The following NCK1 variants were observed in gnomAD, a reference collection of about 807,000 sequenced individuals.
NCK1 encodes SH2/SH3 adapter protein NCK1.
A neutral mutation model predicts 36.6 loss-of-function variants in NCK1; 19 were observed. The ratio of observed to expected loss-of-function variants is 0.52; its 90% CI spans 0.36 to 0.76. NCK1 has a LOEUF of 0.76. Ranked by LOEUF, NCK1 falls within the 30% of genes least tolerant of loss-of-function variation. NCK1 has a pLI of 0.00. For missense variants in NCK1, 358 were observed against 445.6 expected (o/e 0.80, Z 1.77); for synonymous variants, 165 against 156.0 (o/e 1.06, Z -0.43).
intron 1 of NCK1, among the ~76,000 whole-genome samples, chr3:136,904,440 A>ACC (rs1217633954): frequency 6.6e-6 from 1 of 152,226 alleles, no homozygotes; most frequent in African/African-American, 2.4e-5. Flanking sequence ...GGCGTGAGCC[A>ACC]CCGTACCTGG....
chr3:136,927,869 A>G (rs987297185), intron 1 of NCK1, 115 bp from the exon 2 acceptor site: 3 of 777,238 alleles, frequency 3.9e-6, no homozygotes, highest in East Asian at 2.7e-5. Context: ...ATTTTTTTCC[A>G]TATTTTTTAC....
intron 1 of NCK1, among the ~76,000 whole-genome samples, chr3:136,902,793 G>T (rs2108102245): frequency 6.6e-6 from 1 of 152,252 alleles, no homozygotes; most frequent in African/African-American, 2.4e-5. Flanking sequence ...CTGATGATAT[G>T]ATCTTATATT....
intron 1 of NCK1, among the ~76,000 whole-genome samples, chr3:136,902,278 A>G (rs1174069862): frequency 6.7e-6 from 1 of 148,880 alleles, no homozygotes; most frequent in African/African-American, 2.5e-5. Context: ...GCTTACTGCA[A>G]CCTCCGCCTC....
At chr3:136,879,480 A>G (rs774848163) in intron 1 of NCK1, among the ~76,000 whole-genome samples, 4 of 152,182 alleles carry the variant, frequency 2.6e-5, no homozygotes, top group Non-Finnish European at 4.4e-5. Context: ...TAAAATAAAG[A>G]GTTGTTTAGC....
intron 1 of NCK1, among the ~76,000 whole-genome samples, chr3:136,915,558 T>C (rs1431274129): frequency 2.0e-5 from 3 of 152,170 alleles, no homozygotes; most frequent in Non-Finnish European, 4.4e-5. Context: ...TGATAAACTT[T>C]AATAGGGCTG....
Position 136,950,556 on chromosome 3 carries a change from T to C in NCK1, c.*2103T>C, listed in dbSNP as rs888439264. On this transcript the variant is annotated 3_prime_UTR_variant, in exon 4 of 4. Transcript: ENST00000481752. ...TATTTTACCAATTTTTAAAAAGTCT[T>C]AATCCAATGCTTATACCAGTGACTG... Among the ~76,000 whole-genome samples, 2 of 152,204 alleles carry C rather than the reference T, an allele frequency of 1.3e-5. No homozygotes were observed. Among genetic ancestry groups the C allele is most frequent in the African/African-American group, 2.4e-5 (1 of 41,466 alleles).
At chr3:136,906,806 T>G (rs952455616) in intron 1 of NCK1, among the ~76,000 whole-genome samples, 2 of 151,946 alleles carry the variant, frequency 1.3e-5, no homozygotes, top group Non-Finnish European at 2.9e-5. Flanking sequence ...AGAGGCAGGT[T>G]GAATAGGTCC....
intron 1 of NCK1, among the ~76,000 whole-genome samples, chr3:136,916,568 C>G (rs1939968867): frequency 6.6e-6 from 1 of 152,050 alleles, no homozygotes; most frequent in Non-Finnish European, 1.5e-5. Flanking sequence ...ATGACACAAT[C>G]TAAACCTTAT....
At chr3:136,870,557 C>T (rs1260139420) in intron 1 of NCK1, among the ~76,000 whole-genome samples, 1 of 151,698 alleles carries the variant, frequency 6.6e-6, no homozygotes, top group Non-Finnish European at 1.5e-5. Context: ...ACTACATGCT[C>T]TTGAATAATA....
intron 1 of NCK1, among the ~76,000 whole-genome samples, chr3:136,869,821 G>C (rs944737271): frequency 1.3e-5 from 2 of 152,036 alleles, no homozygotes; most frequent in South Asian, 2.1e-4. Flanking sequence ...GTTAATAGTT[G>C]CTTTTTCTAT....
At chr3:136,873,126 G>C (rs577961213) in intron 1 of NCK1, among the ~76,000 whole-genome samples, 3 of 152,104 alleles carry the variant, frequency 2.0e-5, no homozygotes, top group Non-Finnish European at 4.4e-5. Flanking sequence ...TGCACCATGC[G>C]CCTGGAAAAG....
intron 1 of NCK1, among the ~76,000 whole-genome samples, chr3:136,885,492 A>C (rs1939053587): frequency 6.6e-6 from 1 of 152,052 alleles, no homozygotes; most frequent in Non-Finnish European, 1.5e-5. Context: ...TTTTGTAGAG[A>C]CAGGATTTTG....
intron 1 of NCK1, among the ~76,000 whole-genome samples, chr3:136,862,645 CGCCCGTGCGAGCCTGG>C (rs1938262948): frequency 6.4e-5 from 1 of 15,724 alleles, no homozygotes; most frequent in Non-Finnish European, 1.5e-4. Flanking sequence ...CCCGGGCGGC[CGCCCGTGCGAGCCTGG>C]GAGGTCGAGT....
At chr3:136,932,118 C>CAAA (rs1288026754) in intron 2 of NCK1, among the ~76,000 whole-genome samples, 4 of 59,284 alleles carry the variant, frequency 6.7e-5, no homozygotes, top group East Asian at 4.7e-4. Flanking sequence ...GACTCCATCT[C>CAAA]AAAAAAAAAA....
Position 136,945,952 on chromosome 3 carries a change from A to G in NCK1, c.596A>G (p.Tyr199Cys). The G allele has an allele frequency of 6.2e-7, 1 of 1,614,034 alleles. No individual in the cohort carries two copies. The part of the protein sequence containing the change: ...GQVLHVVQAL[Y>C]PFSSSNDEEL... ...GTGTTGCATGTGGTACAGGCTCTTT[A>G]CCCATTCAGCTCATCTAATGATGAA... The change falls in exon 3 of 4, where the codon TAC becomes TGC. Residue 199 changes from tyrosine to cysteine, a missense_variant. Physicochemically the swap from Tyr to Cys is radical, Grantham distance 194 (BLOSUM62 -2). Transcript: ENST00000481752.
At chr3:136,905,585 T>C (rs1939662892) in intron 1 of NCK1, among the ~76,000 whole-genome samples, 1 of 152,022 alleles carries the variant, frequency 6.6e-6, no homozygotes, top group Non-Finnish European at 1.5e-5. Flanking sequence ...TGGGCTTCTT[T>C]AAAATCAGTA....
chr3:136,882,204 T>TA (rs1240162028), intron 1 of NCK1, among the ~76,000 whole-genome samples: 1 of 151,832 alleles, frequency 6.6e-6, no homozygotes, highest in Non-Finnish European at 1.5e-5. Context: ...CATGTTTTTT[T>TA]AAAAATAGTA....
intron 1 of NCK1, among the ~76,000 whole-genome samples, chr3:136,923,578 A>G (rs1185819368): frequency 2.6e-5 from 4 of 151,782 alleles, no homozygotes; most frequent in Non-Finnish European, 5.9e-5. Context: ...AAATAAATAA[A>G]TAAATAAATA....
chr3:136,907,340 A>T (rs1177467781), intron 1 of NCK1, among the ~76,000 whole-genome samples: 1 of 152,106 alleles, frequency 6.6e-6, no homozygotes, highest in Non-Finnish European at 1.5e-5. Context: ...GTTCCCGGGC[A>T]TGACAAAGTC....
Sources: gnomAD v4.1 joint callset for allele counts (sites outside exome capture counted in the v4.1 genomes callset) on GRCh38, gnomAD v4.1.1 for gene constraint, MANE v1.5 for transcripts, NCBI Gene and HGNC (gene_info 2026-07-23, HGNC 2026-07-21) for gene names.